The following EPHA5 variants were observed in gnomAD, a reference collection of about 807,000 sequenced individuals.
EPHA5 encodes the protein EPH receptor A5.
EPHA5 carries 60 observed loss-of-function variants against 105.0 expected under a neutral mutation model. That is an observed-to-expected ratio of 0.57 (90% CI 0.46 to 0.71). EPHA5 has a LOEUF of 0.71. EPHA5 is among the 30% of genes least tolerant of loss of function. The probability of loss-of-function intolerance (pLI) is 0.00; values close to 1 mark genes in which losing one functional copy is unlikely to be tolerated. For missense variants in EPHA5, 1,218 were observed against 1,274.7 expected, an observed-to-expected ratio of 0.96 and a Z score of 0.68; for synonymous variants, 513 against 449.1, an observed-to-expected ratio of 1.14 and a Z score of -1.80.
intron 1 of EPHA5, among the ~76,000 whole-genome samples, chr4:65,659,759 T>C (rs531246521): frequency 6.6e-6 from 1 of 152,256 alleles, no homozygotes; most frequent in Admixed American, 6.5e-5. Flanking sequence ...GATCTAAATA[T>C]AATACATTCC....
intron 3 of EPHA5, among the ~76,000 whole-genome samples, chr4:65,561,523 T>G (rs2149357989): frequency 6.6e-6 from 1 of 152,232 alleles, no homozygotes; most frequent in South Asian, 2.1e-4. Context: ...TTTCTAGATT[T>G]AGGCTGTTCA....
intron 1 of EPHA5, among the ~76,000 whole-genome samples, chr4:65,656,623 T>C (rs1427700184): frequency 6.8e-6 from 1 of 147,986 alleles, no homozygotes; most frequent in Non-Finnish European, 1.5e-5. Context: ...AATGTGATTG[T>C]TTATTTTTGA....
Position 65,331,711 on chromosome 4 carries a change from C to A in EPHA5, c.2945+262G>T, listed in dbSNP as rs980907335. ...ACATCTTTTCCACAACACAAAACAC[C>A]AGTATTTTGCCAAGGAGCTGTTATT... On this transcript the variant is annotated intron_variant, in intron 16 of 16. Transcript: ENST00000613740. The A allele has an allele frequency of 3.4e-6, 4 of 1,178,494 alleles. No individual in the cohort carries two copies. The Middle Eastern group carries it at 1.0e-3, about 298-fold the overall frequency. The allele number at this position is 1,178,494 out of a possible 1,614,324, so 73.0% of individuals were successfully genotyped here.
intron 8 of EPHA5, among the ~76,000 whole-genome samples, chr4:65,389,750 G>A (rs901015949): frequency 6.6e-6 from 1 of 151,964 alleles, no homozygotes; most frequent in Non-Finnish European, 1.5e-5. Flanking sequence ...AACTATTGGA[G>A]GTAGGCAAGA....
At chr4:65,419,403 T>A (rs7677272) in intron 6 of EPHA5, among the ~76,000 whole-genome samples, 21 of 152,006 alleles carry the variant, frequency 1.4e-4, no homozygotes, top group Non-Finnish European at 2.8e-4. Context: ...AACGAAGGAG[T>A]GATGTCTCTG....
At chr4:65,577,664 G>T (rs6850491) in intron 3 of EPHA5, among the ~76,000 whole-genome samples, 2 of 151,836 alleles carry the variant, frequency 1.3e-5, no homozygotes, top group African/African-American at 2.4e-5. Flanking sequence ...ATTTGAAATA[G>T]ACTAGGTAAC....
chr4:65,431,186 T>C (rs967214879), intron 5 of EPHA5, among the ~76,000 whole-genome samples: 1 of 152,144 alleles, frequency 6.6e-6, no homozygotes, highest in Non-Finnish European at 1.5e-5. Context: ...TGCTGCACCA[T>C]AGATAAGATG....
At chr4:65,480,295 A>G (rs905779773) in intron 5 of EPHA5, among the ~76,000 whole-genome samples, 5 of 152,166 alleles carry the variant, frequency 3.3e-5, no homozygotes, top group Admixed American at 1.3e-4. Context: ...ACTTCATTGG[A>G]ATGCATTATT....
chr4:65,515,823 C>T (rs753109156), intron 3 of EPHA5, among the ~76,000 whole-genome samples: 4 of 152,102 alleles, frequency 2.6e-5, no homozygotes, highest in Non-Finnish European at 5.9e-5. Context: ...CTGAGAAAAG[C>T]ATCACCCTTG....
chr4:65,394,641 T>G (rs1444823390), intron 8 of EPHA5, among the ~76,000 whole-genome samples: 1 of 152,058 alleles, frequency 6.6e-6, no homozygotes, highest in Non-Finnish European at 1.5e-5. Context: ...CAAGGAAGTT[T>G]TAGACAGTAA....
chr4:65,630,636 C>T (rs1265077098), intron 2 of EPHA5, among the ~76,000 whole-genome samples: 3 of 152,152 alleles, frequency 2.0e-5, no homozygotes, highest in Non-Finnish European at 2.9e-5. Context: ...TAAATTTCCA[C>T]TCCTGCTCTA....
chr4:65,666,462 A>G lies in EPHA5; in HGVS notation c.181+3100T>C, dbSNP rs150757489. Among the ~76,000 whole-genome samples, 559 of 152,324 alleles carry G rather than the reference A, an allele frequency of 3.7e-3. 5 individuals carry two copies. The highest frequency in any genetic ancestry group is 0.013 in the African/African-American group (544 of 41,578). On this transcript the variant is annotated intron_variant, in intron 1 of 16. Coordinates refer to ENST00000613740, the MANE Select transcript of EPHA5 (RefSeq NM_001281766.3). Reference sequence around the variant, plus strand: ...GACAGCAAAAAGTGGCAGCTACTGAATAAGTTCAGGGCCACCTCCAAAATT... The same window carrying G: ...GACAGCAAAAAGTGGCAGCTACTGAGTAAGTTCAGGGCCACCTCCAAAATT...
chr4:65,420,840 T>C (rs978641450), intron 5 of EPHA5, among the ~76,000 whole-genome samples: 2 of 152,050 alleles, frequency 1.3e-5, no homozygotes, highest in African/African-American at 4.8e-5. Context: ...TTTCATAATT[T>C]ATAGAATAAA....
chr4:65,474,594 G>A (rs1729613908), intron 5 of EPHA5, among the ~76,000 whole-genome samples: 1 of 152,054 alleles, frequency 6.6e-6, no homozygotes, highest in Non-Finnish European at 1.5e-5. Flanking sequence ...ACCATTCAAA[G>A]TATGTTTTGT....
intron 8 of EPHA5, among the ~76,000 whole-genome samples, chr4:65,391,861 T>C (rs1406789872): frequency 6.6e-6 from 1 of 152,192 alleles, no homozygotes; most frequent in Non-Finnish European, 1.5e-5. Flanking sequence ...AGTCATTTGA[T>C]TCTTTACTTA....
Position 65,548,459 on chromosome 4 carries a change from C to T in EPHA5, c.911-52916G>A, listed in dbSNP as rs1737594225. Among the ~76,000 whole-genome samples, 3 of 151,592 alleles carry T rather than the reference C, an allele frequency of 2.0e-5. No homozygotes were observed. The South Asian group carries it at 6.2e-4, about 31-fold the overall frequency. ...TAATGCACTAAGAAGTACTAACATA[C>T]CTCTAATTGTCACAGAAAGACAGCA... On this transcript the variant is annotated intron_variant, in intron 3 of 16. Transcript: ENST00000613740.
At chr4:65,481,257 A>G (rs1490241816) in intron 5 of EPHA5, among the ~76,000 whole-genome samples, 1 of 152,234 alleles carries the variant, frequency 6.6e-6, no homozygotes, top group Non-Finnish European at 1.5e-5. Context: ...TATAGTGGAA[A>G]GGATGACATA....
At chr4:65,531,391 T>C (rs1386280032) in intron 3 of EPHA5, among the ~76,000 whole-genome samples, 3 of 152,202 alleles carry the variant, frequency 2.0e-5, no homozygotes, top group Admixed American at 6.5e-5. Context: ...GAGTTGATGT[T>C]TGGTGATCCA....
rs115670792 is a variant in EPHA5, at chr4:65,321,487, C to T, written c.*2627G>A. The T allele has an allele frequency of 5.5e-3, 1,261 of 229,384 alleles. 12 individuals carry two copies. The highest frequency in any genetic ancestry group is 0.026 in the African/African-American group (1,184 of 45,172). 14.2% of individuals were successfully genotyped at this position (229,384 alleles called of 1,614,324 possible). On this transcript the variant is annotated 3_prime_UTR_variant, in exon 17 of 17. Coordinates refer to ENST00000613740, the MANE Select transcript of EPHA5 (RefSeq NM_001281766.3). The stretch of plus-strand genomic sequence containing the variant: ...ATATTTTAGGAAGGCATTCTTTCCT[C>T]TTTTTTAGGGAGAGTACTTGTTGTT...
Sources: gnomAD v4.1 joint callset for allele counts (sites outside exome capture counted in the v4.1 genomes callset) on GRCh38, gnomAD v4.1.1 for gene constraint, MANE v1.5 for transcripts, NCBI Gene and HGNC (gene_info 2026-07-23, HGNC 2026-07-21) for gene names.